ZNF804A: variants seen among roughly 807,000 people sequenced by gnomAD.
The protein encoded by ZNF804A is zinc finger protein 804A.
A neutral mutation model predicts 16.5 loss-of-function variants in ZNF804A; 2 were observed. The ratio of observed to expected loss-of-function variants is 0.12; its 90% CI spans 0.05 to 0.38. The LOEUF is 0.38. ZNF804A is among the 10% of genes least tolerant of loss of function. The pLI is 0.99. For missense variants in ZNF804A, 1,473 were observed against 1,390.7 expected (o/e 1.06, Z -0.94); for synonymous variants, 534 against 489.6 (o/e 1.09, Z -1.20).
At chr2:184,893,291 C>T (rs1685015479) in intron 2 of ZNF804A, among the ~76,000 whole-genome samples, 1 of 152,060 alleles carries the variant, frequency 6.6e-6, no homozygotes, top group East Asian at 1.9e-4. Flanking sequence ...TGAGTCCTAA[C>T]CAACTTAGGA....
intron 1 of ZNF804A, among the ~76,000 whole-genome samples, chr2:184,624,621 T>G (rs1258888153): frequency 6.6e-6 from 1 of 152,266 alleles, no homozygotes; most frequent in East Asian, 1.9e-4. Context: ...AACTAAAAAA[T>G]GGGGCTCCAT....
chr2:184,921,397 C>G (rs1574271657), intron 2 of ZNF804A, among the ~76,000 whole-genome samples: 1 of 152,184 alleles, frequency 6.6e-6, no homozygotes, highest in South Asian at 2.1e-4. Flanking sequence ...CATAGAAGAT[C>G]AAGATTAGTA....
intron 1 of ZNF804A, among the ~76,000 whole-genome samples, chr2:184,813,354 G>A (rs1261912178): frequency 6.6e-6 from 1 of 152,062 alleles, no homozygotes. Flanking sequence ...AAATTGTCAG[G>A]TGCTCATTTC....
At chr2:184,868,294 C>T (rs935817820) in intron 2 of ZNF804A, among the ~76,000 whole-genome samples, 14 of 152,084 alleles carry the variant, frequency 9.2e-5, no homozygotes, top group African/African-American at 1.2e-4. Context: ...ATGCCTTCCC[C>T]GTAAGATAAT....
rs770073880 is a variant in ZNF804A at position 184,937,442 on chromosome 2, C to A, written c.2046C>A (p.Asn682Lys). The A allele has an allele frequency of 6.2e-7, 1 of 1,611,674 alleles. No individual in the cohort carries two copies. The highest frequency in any genetic ancestry group is 1.1e-5 in the South Asian group (1 of 90,872). Residue 682 changes from asparagine (N) to lysine (K), a missense_variant, in exon 4 of 4, where the codon AAC (asparagine) becomes AAA (lysine). Coordinates refer to ENST00000302277, the MANE Select transcript of ZNF804A (RefSeq NM_194250.2). ...EMCKTWNTEY[N>K]TYDTISSKNH... ...GTAAAACATGGAATACTGAATACAA[C>A]ACTTATGATACTATCAGTTCTAAAA... is the stretch of plus-strand genomic sequence containing the variant.
rs540266992 is a variant in ZNF804A, at chr2:184,617,107, A to T, written c.111+18037A>T. ...TTATAAAAAAGAAAGAAGATAAATT[A>T]AAAAAACTTGAAAAAACTGTAGTTA... is the stretch of plus-strand genomic sequence containing the variant. On this transcript the variant is annotated intron_variant, in intron 1 of 3. Transcript: ENST00000302277. Among the ~76,000 whole-genome samples, 53 of 152,240 alleles carry T rather than the reference A, an allele frequency of 3.5e-4. 1 individual carries two copies. The East Asian group carries it at 6.2e-3, about 18-fold the overall frequency.
At chr2:184,897,376 GT>G (rs903874872) in intron 2 of ZNF804A, among the ~76,000 whole-genome samples, 18 of 146,816 alleles carry the variant, frequency 1.2e-4, no homozygotes, top group East Asian at 6.1e-4. Flanking sequence ...ATTAGTTACT[GT>G]TTTTTTTCCC....
intron 2 of ZNF804A, among the ~76,000 whole-genome samples, chr2:184,928,410 A>C (rs1685642695): frequency 6.6e-6 from 1 of 151,544 alleles, no homozygotes; most frequent in Non-Finnish European, 1.5e-5. Context: ...CCCCTCCCCT[A>C]TCTCTCTTCA....
intron 1 of ZNF804A, among the ~76,000 whole-genome samples, chr2:184,798,668 G>A (rs941013224): frequency 6.6e-6 from 1 of 151,976 alleles, no homozygotes; most frequent in African/African-American, 2.4e-5. Flanking sequence ...CTTGCATTGG[G>A]CTTCACCTTT....
chr2:184,895,678 A>C (rs1685053527), intron 2 of ZNF804A, among the ~76,000 whole-genome samples: 1 of 152,244 alleles, frequency 6.6e-6, no homozygotes, highest in Non-Finnish European at 1.5e-5. Flanking sequence ...AAGGAAATGT[A>C]CTTGCAATTC....
intron 2 of ZNF804A, among the ~76,000 whole-genome samples, chr2:184,893,474 G>A (rs2105823498): frequency 6.6e-6 from 1 of 151,994 alleles, no homozygotes; most frequent in East Asian, 1.9e-4. Flanking sequence ...TATTAAGTCA[G>A]CAAATTGCTA....
intron 1 of ZNF804A, among the ~76,000 whole-genome samples, chr2:184,843,028 T>C (rs75909652): frequency 1.3e-5 from 2 of 152,088 alleles, no homozygotes; most frequent in African/African-American, 4.8e-5. Context: ...TTTGGGTTAG[T>C]TCAGTCAGAA....
chr2:184,717,521 A>G (rs543717928), intron 1 of ZNF804A, among the ~76,000 whole-genome samples: 26 of 152,304 alleles, frequency 1.7e-4, no homozygotes, highest in South Asian at 8.3e-4. Flanking sequence ...TGAATACAAG[A>G]TAGGAGAGAA....
intron 1 of ZNF804A, among the ~76,000 whole-genome samples, chr2:184,611,802 T>C (rs1193479866): frequency 6.6e-6 from 1 of 152,190 alleles, no homozygotes; most frequent in Non-Finnish European, 1.5e-5. Context: ...AGAAAGTCAA[T>C]ATAAGAAGGC....
intron 1 of ZNF804A, among the ~76,000 whole-genome samples, chr2:184,785,977 T>C (rs1177225311): frequency 6.6e-6 from 1 of 151,964 alleles, no homozygotes; most frequent in African/African-American, 2.4e-5. Context: ...TACGTTGGGA[T>C]GTAGCTGAGG....
At chr2:184,897,629 C>G (rs566911124) in intron 2 of ZNF804A, among the ~76,000 whole-genome samples, 4 of 152,168 alleles carry the variant, frequency 2.6e-5, no homozygotes, top group South Asian at 4.1e-4. Flanking sequence ...CTTTCTCCAA[C>G]ACTTTTTTAT....
intron 1 of ZNF804A, among the ~76,000 whole-genome samples, chr2:184,782,747 A>G (rs560600068): frequency 6.0e-5 from 9 of 148,802 alleles, no homozygotes; most frequent in Non-Finnish European, 1.2e-4. Flanking sequence ...AAGGATGACT[A>G]ATACAGTTTT....
chr2:184,877,945 C>T (rs1371804547), intron 2 of ZNF804A, among the ~76,000 whole-genome samples: 1 of 152,026 alleles, frequency 6.6e-6, no homozygotes, highest in Admixed American at 6.6e-5. Context: ...TTGTGTTCTC[C>T]TTTCCCCAGG....
chr2:184,759,272 A>G (rs983647277), intron 1 of ZNF804A, among the ~76,000 whole-genome samples: 32 of 151,728 alleles, frequency 2.1e-4, no homozygotes, highest in Admixed American at 8.5e-4. Context: ...AAAGTATAGC[A>G]TGCTAAATGC....
Sources: gnomAD v4.1 joint callset for allele counts (sites outside exome capture counted in the v4.1 genomes callset) on GRCh38, gnomAD v4.1.1 for gene constraint, MANE v1.5 for transcripts, NCBI Gene and HGNC (gene_info 2026-07-23, HGNC 2026-07-21) for gene names.